G3BP2: variants seen among roughly 807,000 people sequenced by gnomAD.
G3BP2 encodes ras GTPase-activating protein-binding protein 2.
A neutral mutation model predicts 56.7 loss-of-function variants in G3BP2; 11 were observed. That is an observed-to-expected ratio of 0.19 (90% CI 0.12 to 0.32). The LOEUF (loss-of-function observed/expected upper bound fraction) is 0.32. G3BP2 is among the 10% of genes least tolerant of loss of function. The pLI is 1.00. For missense variants in G3BP2, 340 were observed against 610.9 expected (o/e 0.56, Z 4.67); for synonymous variants, 165 against 191.6 (o/e 0.86, Z 1.15).
At chr4:75,703,389 T>C (rs1428907090) in intron 3 of G3BP2, among the ~76,000 whole-genome samples, 1 of 152,080 alleles carries the variant, frequency 6.6e-6, no homozygotes, top group African/African-American at 2.4e-5. Flanking sequence ...AGTCCCCCAA[T>C]CCACACCACT....
chr4:75,649,853 T>C (rs938938473), intron 8 of G3BP2, among the ~76,000 whole-genome samples: 2 of 151,628 alleles, frequency 1.3e-5, no homozygotes, highest in Non-Finnish European at 2.9e-5. Flanking sequence ...CTACTAAAAA[T>C]ACAAAAAATT....
At chr4:75,651,960 C>T (rs1279605631) in intron 8 of G3BP2, among the ~76,000 whole-genome samples, 2 of 152,134 alleles carry the variant, frequency 1.3e-5, no homozygotes, top group African/African-American at 4.8e-5. Flanking sequence ...TATCAATAAT[C>T]TATGTTCAAA....
intron 1 of G3BP2, chr4:75,672,945 T>A: frequency 1.1e-6 from 1 of 930,442 alleles, no homozygotes; most frequent in Non-Finnish European, 1.3e-6. Flanking sequence ...CAACCCCACC[T>A]GTGCACTCGG....
At chr4:75,672,100 T>A (rs942806665) in intron 1 of G3BP2, among the ~76,000 whole-genome samples, 1 of 152,148 alleles carries the variant, frequency 6.6e-6, no homozygotes, top group Non-Finnish European at 1.5e-5. Flanking sequence ...CAAGTTAATA[T>A]CCCACAACAA....
At chr4:75,667,382 A>G (rs1733135872) in intron 1 of G3BP2, among the ~76,000 whole-genome samples, 1 of 152,180 alleles carries the variant, frequency 6.6e-6, no homozygotes, top group African/African-American at 2.4e-5. Context: ...TTCAAAGATA[A>G]CTACCATCTT....
intron 3 of G3BP2, among the ~76,000 whole-genome samples, chr4:75,686,376 C>T (rs912168411): frequency 2.0e-5 from 3 of 151,960 alleles, no homozygotes; most frequent in East Asian, 1.9e-4. Context: ...CAGATTTGTA[C>T]AGGGTACAGT....
chr4:75,655,518 C>T (rs1732026482), intron 6 of G3BP2, among the ~76,000 whole-genome samples: 1 of 152,160 alleles, frequency 6.6e-6, no homozygotes, highest in Admixed American at 6.5e-5. Context: ...AAATAAAATG[C>T]TTACTCTGTG....
intron 3 of G3BP2, among the ~76,000 whole-genome samples, chr4:75,686,544 CA>C (rs1718611259): frequency 2.5e-5 from 2 of 80,634 alleles, no homozygotes; most frequent in Non-Finnish European, 4.6e-5. Flanking sequence ...GAAGGAACAG[CA>C]AGAGCAAAGG....
chr4:75,646,855 G>C (rs910642096), intron 10 of G3BP2, among the ~76,000 whole-genome samples, 174 bp downstream of exon 10: 6 of 152,132 alleles, frequency 3.9e-5, no homozygotes, highest in Non-Finnish European at 7.3e-5. Flanking sequence ...CAGTCACTGA[G>C]AAACATGTGA....
chr4:75,712,428 T>A (rs1445909437), intron 3 of G3BP2, among the ~76,000 whole-genome samples: 2 of 152,198 alleles, frequency 1.3e-5, no homozygotes, highest in Non-Finnish European at 2.9e-5. Context: ...AGTGAGATTT[T>A]ACTGCCAACT....
intron 8 of G3BP2, among the ~76,000 whole-genome samples, chr4:75,652,676 C>T (rs11097051): frequency 0.31 from 47,173 of 151,968 alleles, 8,741 homozygotes; most frequent in East Asian, 0.77. Context: ...GACTCATGTC[C>T]CACTGCATGA....
chr4:75,673,275 C>T lies in G3BP2; in HGVS notation c.-92G>A. 4.9e-6 allele frequency: 6 copies of T among 1,226,282 alleles called. No individual in the cohort carries two copies. Among genetic ancestry groups the T allele is most frequent in the Non-Finnish European group, 6.1e-6 (6 of 984,794 alleles). The allele number at this position is 1,226,282 out of a possible 1,614,324, so 76.0% of individuals were successfully genotyped here. The stretch of plus-strand genomic sequence containing the variant: ...AAGAGTCGCTGAGGACCGGGTGCGG[C>T]GGGTTCTTATTGCTCGCCGCCCCCT... On this transcript the variant is annotated 5_prime_UTR_variant, in exon 1 of 12. Coordinates refer to ENST00000359707, the MANE Select transcript of G3BP2 (RefSeq NM_203505.3).
chr4:75,663,347 CCAGGCT>C (rs11272984), intron 1 of G3BP2, among the ~76,000 whole-genome samples: 31 of 151,590 alleles, frequency 2.0e-4, no homozygotes, highest in Admixed American at 5.9e-4. Context: ...GCCTCAACTG[CCAGGCT>C]CAGGCTCAGG....
At chr4:75,680,440 T>C (rs1422256465) in intron 3 of G3BP2, among the ~76,000 whole-genome samples, 1 of 152,218 alleles carries the variant, frequency 6.6e-6, no homozygotes, top group Non-Finnish European at 1.5e-5. Context: ...CCTCAGTGGA[T>C]AAACAGCCTA....
At chr4:75,702,171 A>ATTTTTTTTTTTTTTTTTTTTTTTT (rs57529973) in intron 3 of G3BP2, among the ~76,000 whole-genome samples, 1 of 107,480 alleles carries the variant, frequency 9.3e-6, no homozygotes, top group Non-Finnish European at 1.8e-5. Flanking sequence ...AAACCCCCCA[A>ATTTTTTTTTTTTTTTTTTTTTTTT]TTTTTTTTTT....
chr4:75,643,980 C>T lies in G3BP2; in HGVS notation c.*1450G>A, dbSNP rs1271173271. ...AGATTCATGTAAAAATAAAAGATGT[C>T]GTCCCAGACTTAAATTCAGGAGCCA... On this transcript the variant is annotated 3_prime_UTR_variant, in exon 12 of 12. Coordinates refer to ENST00000359707, the MANE Select transcript of G3BP2 (RefSeq NM_203505.3). 1 of 152,570 alleles carries T rather than the reference C, an allele frequency of 6.6e-6. No homozygotes were observed. The highest frequency in any genetic ancestry group is 1.5e-5 in the Non-Finnish European group (1 of 68,024). The allele number at this position is 152,570 out of a possible 1,614,324, so 9.5% of individuals were successfully genotyped here.
chr4:75,719,455 G>A lies in G3BP2; in HGVS notation c.-25+1422C>T, dbSNP rs1720061823. Among the ~76,000 whole-genome samples, 3 of 151,332 alleles carry A rather than the reference G, an allele frequency of 2.0e-5. No homozygotes were observed. In the South Asian group the frequency reaches 6.3e-4, roughly 32 times the overall value. Reference sequence around the variant, plus strand: ...GTTTCAAGTACTAAGTAATATGAACGTTACAGATATTATCTAATAAAATCC... The same window carrying A: ...GTTTCAAGTACTAAGTAATATGAACATTACAGATATTATCTAATAAAATCC... On this transcript the variant is annotated intron_variant, in intron 3 of 3. Transcript: ENST00000499709.
At chr4:75,651,877 A>G (rs1356139571) in intron 8 of G3BP2, among the ~76,000 whole-genome samples, 1 of 152,228 alleles carries the variant, frequency 6.6e-6, no homozygotes, top group Non-Finnish European at 1.5e-5. Flanking sequence ...TCCAGACAAA[A>G]TATTTTATTC....
chr4:75,712,176 G>A (rs566948648), intron 3 of G3BP2, among the ~76,000 whole-genome samples: 1 of 151,996 alleles, frequency 6.6e-6, no homozygotes, highest in East Asian at 1.9e-4. Flanking sequence ...ACGATTATGT[G>A]CCAATTTAAA....
Sources: allele counts gnomAD v4.1 joint callset (sites outside exome capture counted in the v4.1 genomes callset), GRCh38; gene constraint gnomAD v4.1.1; transcripts MANE v1.5; gene names NCBI Gene and HGNC (gene_info 2026-07-23, HGNC 2026-07-21).